KCNH5: variants seen among roughly 807,000 people sequenced by gnomAD.
The protein encoded by KCNH5 is potassium voltage-gated channel subfamily H member 5.
In KCNH5, 46 loss-of-function variants were observed where a neutral mutation model predicts 96.1. That is an observed-to-expected ratio of 0.48 (90% CI 0.38 to 0.61). The LOEUF (loss-of-function observed/expected upper bound fraction) is 0.61. Among genes scored for constraint, KCNH5 ranks in the 20% least tolerant of loss-of-function variants. The pLI is 0.00. For synonymous variants in KCNH5, 439 were observed against 449.8 expected (o/e 0.98, Z 0.30); for missense variants, 907 against 1,225.8 (o/e 0.74, Z 3.88).
chr14:62,750,406 C>A (rs565973025), intron 10 of KCNH5, among the ~76,000 whole-genome samples: 12 of 152,292 alleles, frequency 7.9e-5, no homozygotes, highest in South Asian at 2.1e-4. Flanking sequence ...TTGAATTAAG[C>A]CCTGACCTTT....
chr14:62,893,749 CA>C (rs1335667273), intron 7 of KCNH5, among the ~76,000 whole-genome samples: 1 of 151,286 alleles, frequency 6.6e-6, no homozygotes, highest in Non-Finnish European at 1.5e-5. Flanking sequence ...GACTCCAACT[CA>C]AAAAAAAGAA....
chr14:63,029,485 T>C (rs77566806), intron 1 of KCNH5, among the ~76,000 whole-genome samples: 112 of 152,248 alleles, frequency 7.4e-4, no homozygotes, highest in African/African-American at 2.6e-3. Flanking sequence ...ATTAAGTTAC[T>C]GAGTTGTATA....
Position 63,022,623 on chromosome 14 carries a change from G to A in KCNH5, c.74-5669C>T, listed in dbSNP as rs537056795. 1.4e-4 allele frequency among the ~76,000 whole-genome samples: 22 copies of A among 151,976 alleles called. No homozygotes were observed. In the East Asian group the frequency reaches 2.7e-3, roughly 19 times the overall value. On this transcript the variant is annotated intron_variant, in intron 1 of 10. Transcript: ENST00000322893. ...ACTCTGACCCTTGCCCACGATACTC[G>A]CCTACAATAGCCTCATTGACTTTTC...
intron 7 of KCNH5, among the ~76,000 whole-genome samples, chr14:62,897,920 T>C (rs1888847579): frequency 6.6e-6 from 1 of 152,104 alleles, no homozygotes. Flanking sequence ...AAACCAATAC[T>C]AACCACAGAG....
chr14:62,910,860 A>T (rs568207907), intron 7 of KCNH5, among the ~76,000 whole-genome samples: 4 of 150,654 alleles, frequency 2.7e-5, no homozygotes, highest in African/African-American at 7.3e-5. Flanking sequence ...TTTATCAGAG[A>T]AGACTCTGCT....
chr14:62,950,412 C>T lies in KCNH5; in HGVS notation c.1090G>A (p.Ala364Thr), dbSNP rs781614104. ...TCTCCGATGCTATACCATATGCAGG[C>T]CAGCCAGTGGGCCACCAGTCCAAAC... is the stretch of plus-strand genomic sequence containing the variant. ...CVFGLVAHWL[A>T]CIWYSIGDYE... Residue 364 changes from alanine to threonine, a missense_variant, in exon 7 of 11, where the codon GCC (alanine) becomes ACC (threonine). Transcript: ENST00000322893. The T allele has an allele frequency of 6.2e-7, 1 of 1,613,968 alleles. No individual in the cohort carries two copies. The highest frequency in any genetic ancestry group is 8.5e-7 in the Non-Finnish European group (1 of 1,179,974).
intron 10 of KCNH5, among the ~76,000 whole-genome samples, chr14:62,715,400 T>A (rs1884662611): frequency 6.6e-6 from 1 of 152,176 alleles, no homozygotes; most frequent in Non-Finnish European, 1.5e-5. Context: ...ATTTAGTTGG[T>A]TTGATTCTTT....
chr14:62,988,979 G>A (rs1890760840), intron 4 of KCNH5, among the ~76,000 whole-genome samples: 1 of 151,688 alleles, frequency 6.6e-6, no homozygotes, highest in Admixed American at 6.6e-5. Flanking sequence ...ATGCCCAAAT[G>A]AGAAACATGA....
intron 8 of KCNH5, among the ~76,000 whole-genome samples, chr14:62,823,192 C>T (rs970763178): frequency 2.0e-5 from 3 of 152,068 alleles, no homozygotes; most frequent in Non-Finnish European, 2.9e-5. Flanking sequence ...GCAACATGTC[C>T]ACCTGTCCCT....
intron 7 of KCNH5, among the ~76,000 whole-genome samples, chr14:62,899,011 T>C (rs1232972358): frequency 6.6e-6 from 1 of 152,084 alleles, no homozygotes; most frequent in African/African-American, 2.4e-5. Flanking sequence ...TTTGAAAAAT[T>C]CACAAAAGTA....
At chr14:62,903,016 G>C (rs1005648011) in intron 7 of KCNH5, among the ~76,000 whole-genome samples, 1 of 152,056 alleles carries the variant, frequency 6.6e-6, no homozygotes, top group African/African-American at 2.4e-5. Flanking sequence ...CCACGTCTGC[G>C]ATAATATCTA....
intron 8 of KCNH5, among the ~76,000 whole-genome samples, chr14:62,847,458 G>C (rs1037244808): frequency 2.6e-5 from 4 of 152,032 alleles, no homozygotes; most frequent in Admixed American, 2.0e-4. Context: ...CATCTGGGTA[G>C]GGATTTTCTT....
intron 7 of KCNH5, among the ~76,000 whole-genome samples, chr14:62,943,047 C>T (rs1425220636): frequency 6.6e-6 from 1 of 152,050 alleles, no homozygotes; most frequent in African/African-American, 2.4e-5. Context: ...TAATAATGTA[C>T]TTAACAGTGT....
At chr14:62,981,330 A>G in intron 5 of KCNH5, 66 bp from the exon 6 acceptor site, 1 of 1,477,186 alleles carries the variant, frequency 6.8e-7, no homozygotes. Flanking sequence ...ATGAATTCAA[A>G]TCTACTGGCA....
intron 7 of KCNH5, among the ~76,000 whole-genome samples, chr14:62,902,558 A>G (rs1467796356): frequency 1.3e-5 from 2 of 152,186 alleles, no homozygotes; most frequent in Non-Finnish European, 2.9e-5. Context: ...AGTCTAATAC[A>G]GGCAATATAG....
chr14:62,747,779 T>G (rs563047521), intron 10 of KCNH5, among the ~76,000 whole-genome samples: 3 of 152,322 alleles, frequency 2.0e-5, no homozygotes, highest in Non-Finnish European at 4.4e-5. Flanking sequence ...GCCAAATAAT[T>G]TAACAAATGT....
chr14:62,779,655 C>A, intron 10 of KCNH5, 73 bp downstream of exon 10: 1 of 1,230,678 alleles, frequency 8.1e-7, no homozygotes, highest in Non-Finnish European at 1.1e-6. Context: ...ATCTTCTCTA[C>A]TCTTCAGCTA....
At chr14:62,965,906 TA>T (rs1181806480) in intron 6 of KCNH5, among the ~76,000 whole-genome samples, 1 of 152,150 alleles carries the variant, frequency 6.6e-6, no homozygotes, top group Non-Finnish European at 1.5e-5. Flanking sequence ...GAAGTGATTC[TA>T]AAATTCCAGT....
chr14:62,954,798 G>C (rs1428730978), intron 6 of KCNH5, among the ~76,000 whole-genome samples: 1 of 152,072 alleles, frequency 6.6e-6, no homozygotes, highest in Admixed American at 6.6e-5. Flanking sequence ...CATGGAGGAA[G>C]GCAAAAGGCA....
Sources: allele counts gnomAD v4.1 joint callset (sites outside exome capture counted in the v4.1 genomes callset), GRCh38; gene constraint gnomAD v4.1.1; transcripts MANE v1.5; gene names NCBI Gene and HGNC (gene_info 2026-07-23, HGNC 2026-07-21).